Variants in ELAVL4 observed in about 807,000 individuals in gnomAD.
ELAVL4 encodes ELAV like RNA binding protein 4.
ELAVL4 carries 1 observed loss-of-function variant against 35.6 expected under a neutral mutation model. The observed-to-expected ratio is 0.03, with a 90% CI of 0.01 to 0.13. The LOEUF is 0.13. Among genes scored for constraint, ELAVL4 ranks in the 10% least tolerant of loss-of-function variants. ELAVL4 has a pLI of 1.00. For missense variants in ELAVL4, 267 were observed against 464.9 expected (o/e 0.57, Z 3.91); for synonymous variants, 156 against 171.0 (o/e 0.91, Z 0.69).
chr1:50,201,326 G>A lies in ELAVL4; in HGVS notation c.*148G>A. ...GACTTTATAAGCCAGTGTTGCCTAA[G>A]TATTAAAACATTGGATTATCCTGAG... On this transcript the variant is annotated 3_prime_UTR_variant, in exon 7 of 7. Transcript: ENST00000371824. The surrounding 1 kb of genome is among the most constrained non-coding windows in gnomAD (Gnocchi z 4.3). 2.3e-6 allele frequency: 2 copies of A among 884,968 alleles called. No homozygotes were observed. The highest frequency in any genetic ancestry group is 1.7e-5 in the African/African-American group (1 of 57,966). The allele number at this position is 884,968 out of a possible 1,614,324, so 54.8% of individuals were successfully genotyped here.
chr1:50,104,438 C>T (rs1217386367), upstream of ELAVL4, among the ~76,000 whole-genome samples: 2 of 152,126 alleles, frequency 1.3e-5, no homozygotes, highest in Admixed American at 1.3e-4. Flanking sequence ...CTTCTCACTC[C>T]CCAGTTAAAA....
At chr1:50,125,654 C>T (rs571029413) in intron 1 of ELAVL4, among the ~76,000 whole-genome samples, 36 of 151,936 alleles carry the variant, frequency 2.4e-4, no homozygotes, top group African/African-American at 6.3e-4. Context: ...GACAAATGTT[C>T]CAGGAGGGTC....
intron 1 of ELAVL4, among the ~76,000 whole-genome samples, chr1:50,060,545 C>T (rs1663906095): frequency 6.6e-6 from 1 of 152,208 alleles, no homozygotes; most frequent in Admixed American, 6.5e-5. Context: ...CTAAGGACTT[C>T]ATGAAGCAGA....
chr1:50,082,086 G>A (rs543788724), intron 1 of ELAVL4, among the ~76,000 whole-genome samples: 76 of 152,182 alleles, frequency 5.0e-4, no homozygotes, highest in Admixed American at 8.5e-4. Context: ...TCATTGATGG[G>A]CATTTGGGTT....
intron 1 of ELAVL4, among the ~76,000 whole-genome samples, chr1:50,094,651 A>G (rs1665637818): frequency 6.6e-6 from 1 of 152,064 alleles, no homozygotes; most frequent in African/African-American, 2.4e-5. Flanking sequence ...CATGCCTGTA[A>G]TCCCAGCACT....
At chr1:50,175,947 G>T (rs1012555494) in intron 2 of ELAVL4, 7 of 152,174 alleles carry the variant, frequency 4.6e-5, no homozygotes, top group Admixed American at 3.9e-4. Flanking sequence ...CTCCCCTTCG[G>T]CTCTGCTGCC....
chr1:50,059,547 G>T (rs1233002952), intron 1 of ELAVL4, among the ~76,000 whole-genome samples: 1 of 151,360 alleles, frequency 6.6e-6, no homozygotes, highest in African/African-American at 2.4e-5. Context: ...TGGTGAGGAG[G>T]TTTTTTAAAA....
chr1:50,070,061 T>G (rs977055259), intron 1 of ELAVL4, among the ~76,000 whole-genome samples: 2 of 152,338 alleles, frequency 1.3e-5, no homozygotes, highest in South Asian at 4.1e-4. Context: ...TAGACTAGCA[T>G]AGAATTGATA....
chr1:50,144,708 ATAATGGG>A, intron 1 of ELAVL4: 1 of 683,734 alleles, frequency 1.5e-6, no homozygotes, highest in Non-Finnish European at 2.7e-6. Flanking sequence ...CATTAACAAA[ATAATGGG>A]AGAGTTCCTA....
At chr1:50,187,030 G>T (rs1681938465) in intron 3 of ELAVL4, among the ~76,000 whole-genome samples, 1 of 152,190 alleles carries the variant, frequency 6.6e-6, no homozygotes, top group South Asian at 2.1e-4. Context: ...AGGTGGGATT[G>T]TAGGTCCTTG....
At chr1:50,068,291 A>T (rs1333490843) in intron 1 of ELAVL4, among the ~76,000 whole-genome samples, 1 of 152,300 alleles carries the variant, frequency 6.6e-6, no homozygotes, top group South Asian at 2.1e-4. Flanking sequence ...TCTTCATGCA[A>T]GAGCAGTCCA....
At chr1:50,056,873 A>G (rs981886260) in intron 1 of ELAVL4, among the ~76,000 whole-genome samples, 3 of 151,864 alleles carry the variant, frequency 2.0e-5, no homozygotes, top group African/African-American at 4.8e-5. Context: ...CAGAGCTTGC[A>G]GTAAGCCAAG....
At chr1:50,150,505 G>A (rs894409605) in intron 2 of ELAVL4, among the ~76,000 whole-genome samples, 2 of 152,150 alleles carry the variant, frequency 1.3e-5, no homozygotes, top group Non-Finnish European at 2.9e-5. Flanking sequence ...AATCCTGAGC[G>A]TGTCTCTCTC....
chr1:50,171,826 C>T (rs532865501), intron 2 of ELAVL4, among the ~76,000 whole-genome samples: 10 of 152,282 alleles, frequency 6.6e-5, no homozygotes, highest in African/African-American at 2.4e-4. Context: ...TCAGAATGGG[C>T]AGTGAAGGAG....
At chr1:50,063,137 C>G (rs186201109) in intron 1 of ELAVL4, among the ~76,000 whole-genome samples, 1 of 152,154 alleles carries the variant, frequency 6.6e-6, no homozygotes, top group African/African-American at 2.4e-5. Flanking sequence ...TAGTCTTCCA[C>G]CTACAAAATG....
intron 1 of ELAVL4, among the ~76,000 whole-genome samples, chr1:50,112,560 G>A (rs1422193062): frequency 6.6e-6 from 1 of 152,110 alleles, no homozygotes; most frequent in African/African-American, 2.4e-5. Context: ...TGATCAGAAT[G>A]TCCATATATC....
intron 1 of ELAVL4, among the ~76,000 whole-genome samples, chr1:50,125,901 G>C (rs1669827533): frequency 6.6e-6 from 1 of 151,952 alleles, no homozygotes. Context: ...GTGGGGTCTT[G>C]GTAAAGTCAT....
chr1:50,071,853 G>C (rs1337981195), intron 1 of ELAVL4, among the ~76,000 whole-genome samples: 1 of 152,006 alleles, frequency 6.6e-6, no homozygotes, highest in Admixed American at 6.6e-5. Context: ...ACCACATAAG[G>C]GTGTTGAAAA....
At chr1:50,163,415 A>G (rs898085510) in intron 2 of ELAVL4, among the ~76,000 whole-genome samples, 1 of 152,218 alleles carries the variant, frequency 6.6e-6, no homozygotes, top group Admixed American at 6.5e-5. Flanking sequence ...TTGTCATTCT[A>G]TGATGTACCA....
Sources: allele counts gnomAD v4.1 joint callset (sites outside exome capture counted in the v4.1 genomes callset), GRCh38; gene constraint gnomAD v4.1.1; non-coding constraint Gnocchi (gnomAD v3.1); transcripts MANE v1.5; gene names NCBI Gene and HGNC (gene_info 2026-07-23, HGNC 2026-07-21).